Variants in BRINP3 observed in about 807,000 individuals in gnomAD.
The protein encoded by BRINP3 is BMP/retinoic acid-inducible neural-specific protein 3.
A neutral mutation model predicts 71.0 loss-of-function variants in BRINP3; 19 were observed. The observed-to-expected ratio is 0.27, with a 90% CI of 0.19 to 0.39. The LOEUF is 0.39. Among genes scored for constraint, BRINP3 ranks in the 10% least tolerant of loss-of-function variants. The pLI is 1.00. For synonymous variants in BRINP3, 380 were observed against 337.7 expected (o/e 1.13, Z -1.37); for missense variants, 959 against 940.8 (o/e 1.02, Z -0.25).
At chr1:190,151,676 A>G (rs913650794) in intron 7 of BRINP3, among the ~76,000 whole-genome samples, 1 of 152,176 alleles carries the variant, frequency 6.6e-6, no homozygotes, top group Non-Finnish European at 1.5e-5. Flanking sequence ...GAATTTTACA[A>G]GGACATAGTG....
chr1:190,206,748 G>C (rs929608763), intron 6 of BRINP3, among the ~76,000 whole-genome samples: 2 of 151,952 alleles, frequency 1.3e-5, no homozygotes, highest in African/African-American at 4.8e-5. Flanking sequence ...GATGAAAAAT[G>C]GTTAAGGGTT....
At chr1:190,099,835 T>C (rs952103639) in intron 7 of BRINP3, among the ~76,000 whole-genome samples, 1 of 152,220 alleles carries the variant, frequency 6.6e-6, no homozygotes, top group African/African-American at 2.4e-5. Context: ...AGTGTGTTAG[T>C]TTAATGTGTT....
At chr1:190,304,439 C>T (rs1558163774) in intron 2 of BRINP3, among the ~76,000 whole-genome samples, 1 of 151,638 alleles carries the variant, frequency 6.6e-6, no homozygotes, top group Non-Finnish European at 1.5e-5. Flanking sequence ...ACACATAGAC[C>T]AATGAAACAG....
At chr1:190,472,502 G>C (rs1419470185) in intron 1 of BRINP3, among the ~76,000 whole-genome samples, 1 of 151,592 alleles carries the variant, frequency 6.6e-6, no homozygotes, top group Non-Finnish European at 1.5e-5. Flanking sequence ...ACACAAGTTG[G>C]TGTCATATTC....
At chr1:190,190,442 G>A (rs568283618) in intron 6 of BRINP3, among the ~76,000 whole-genome samples, 6 of 152,064 alleles carry the variant, frequency 3.9e-5, no homozygotes, top group Admixed American at 2.0e-4. Flanking sequence ...TCTCTCATTT[G>A]GTTTTCTTAG....
At chr1:190,231,207 C>T (rs951415295) in intron 5 of BRINP3, among the ~76,000 whole-genome samples, 1 of 151,632 alleles carries the variant, frequency 6.6e-6, no homozygotes, top group Non-Finnish European at 1.5e-5. Flanking sequence ...ACCCTTCCTT[C>T]AGCATAAATT....
At chr1:190,253,039 G>C (rs1233880081) in intron 4 of BRINP3, among the ~76,000 whole-genome samples, 1 of 152,002 alleles carries the variant, frequency 6.6e-6, no homozygotes, top group African/African-American at 2.4e-5. Flanking sequence ...TTGGTTTTCT[G>C]TCCTTGTGAC....
chr1:190,393,786 T>A (rs996206936), intron 2 of BRINP3, among the ~76,000 whole-genome samples: 3 of 151,698 alleles, frequency 2.0e-5, no homozygotes, highest in Admixed American at 1.3e-4. Flanking sequence ...GTTGCTAAAA[T>A]TTGCATTTGA....
chr1:190,380,715 T>C (rs1571906495), intron 2 of BRINP3, among the ~76,000 whole-genome samples: 2 of 152,128 alleles, frequency 1.3e-5, no homozygotes, highest in African/African-American at 2.4e-5. Flanking sequence ...AGGCAGAGTA[T>C]ACTTCAGGGT....
At chr1:190,262,663 G>A (rs573137085) in intron 4 of BRINP3, among the ~76,000 whole-genome samples, 15 of 152,022 alleles carry the variant, frequency 9.9e-5, no homozygotes, top group African/African-American at 2.7e-4. Context: ...GGCATTCCCC[G>A]TGGCCCTGTC....
intron 2 of BRINP3, among the ~76,000 whole-genome samples, chr1:190,312,432 T>G (rs1052113302): frequency 7.9e-5 from 12 of 151,568 alleles, no homozygotes; most frequent in African/African-American, 2.7e-4. Flanking sequence ...TCCTTCCCAG[T>G]GATCTCCTAA....
rs550085038 is a variant in BRINP3 at position 190,360,669 on chromosome 1, T to G, written c.237-78919A>C. The stretch of plus-strand genomic sequence containing the variant: ...AACTGGGGAAGTCAATGGCATTGAT[T>G]TTTTTTTTAACCAGGCTTTATCGTT... On this transcript the variant is annotated intron_variant, in intron 2 of 7. Coordinates refer to ENST00000367462, the MANE Select transcript of BRINP3 (RefSeq NM_199051.3). Among the ~76,000 whole-genome samples, 47 of 151,502 alleles carry G rather than the reference T, an allele frequency of 3.1e-4. No individual in the cohort carries two copies. In the South Asian group the frequency reaches 9.4e-3, roughly 30 times the overall value.
chr1:190,336,336 TTAGAA>T (rs1225742944), intron 2 of BRINP3, among the ~76,000 whole-genome samples: 1 of 152,106 alleles, frequency 6.6e-6, no homozygotes, highest in Non-Finnish European at 1.5e-5. Context: ...ACAAATGAAA[TTAGAA>T]TAGTTACATA....
intron 7 of BRINP3, among the ~76,000 whole-genome samples, chr1:190,104,739 G>A (rs954481496): frequency 3.3e-5 from 5 of 151,864 alleles, no homozygotes; most frequent in African/African-American, 9.7e-5. Flanking sequence ...GATGTGTAAC[G>A]CTTTTCACTG....
intron 2 of BRINP3, among the ~76,000 whole-genome samples, chr1:190,379,313 G>C (rs956671620): frequency 3.4e-4 from 51 of 152,096 alleles, no homozygotes; most frequent in African/African-American, 1.2e-3. Context: ...CTGTATAAAA[G>C]GCACATTGAG....
At chr1:190,118,878 A>C (rs1335016049) in intron 7 of BRINP3, among the ~76,000 whole-genome samples, 1 of 152,216 alleles carries the variant, frequency 6.6e-6, no homozygotes, top group East Asian at 1.9e-4. Flanking sequence ...TTAGTAATTC[A>C]TTCGAGGAAC....
chr1:190,351,594 T>C (rs1365877739), intron 2 of BRINP3, among the ~76,000 whole-genome samples: 1 of 152,106 alleles, frequency 6.6e-6, no homozygotes, highest in Non-Finnish European at 1.5e-5. Context: ...ATACGCTTTT[T>C]GACCTGCTGA....
At chr1:190,188,958 C>T (rs1382325522) in intron 6 of BRINP3, among the ~76,000 whole-genome samples, 1 of 152,002 alleles carries the variant, frequency 6.6e-6, no homozygotes, top group East Asian at 1.9e-4. Context: ...ATGGGGGTCT[C>T]ACCTTATTGG....
At chr1:190,459,414 T>A (rs566898846) in intron 1 of BRINP3, among the ~76,000 whole-genome samples, 42 of 151,842 alleles carry the variant, frequency 2.8e-4, no homozygotes, top group Admixed American at 7.9e-4. Context: ...TCATATATAT[T>A]TGAAATTCAT....
Sources: gnomAD v4.1 joint callset for allele counts (sites outside exome capture counted in the v4.1 genomes callset) on GRCh38, gnomAD v4.1.1 for gene constraint, MANE v1.5 for transcripts, NCBI Gene and HGNC (gene_info 2026-07-23, HGNC 2026-07-21) for gene names.